The following PSMA1 variants were observed in gnomAD, a reference collection of about 807,000 sequenced individuals.
PSMA1 encodes the protein proteasome 20S subunit alpha 1, also known as proteasome subunit alpha type-1.
In PSMA1, 3 loss-of-function variants were observed where a neutral mutation model predicts 38.4. That is an observed-to-expected ratio of 0.08 (90% CI 0.04 to 0.20). The LOEUF is 0.20. Ranked by LOEUF, PSMA1 falls within the 10% of genes least tolerant of loss-of-function variation. The probability of loss-of-function intolerance (pLI) is 1.00; values close to 1 mark genes in which losing one functional copy is unlikely to be tolerated. For missense variants in PSMA1, 227 were observed against 325.3 expected (o/e 0.70, Z 2.32); for synonymous variants, 101 against 107.1 (o/e 0.94, Z 0.35).
intron 2 of PSMA1, among the ~76,000 whole-genome samples, chr11:14,566,075 G>A (rs771623532): frequency 1.3e-5 from 2 of 152,228 alleles, no homozygotes; most frequent in African/African-American, 4.8e-5. Context: ...CAGTGTGGCC[G>A]GAGTGAAGTG....
chr11:14,592,970 AT>A (rs953964652), intron 2 of PSMA1, among the ~76,000 whole-genome samples: 1 of 152,068 alleles, frequency 6.6e-6, no homozygotes, highest in Non-Finnish European at 1.5e-5. Context: ...AAATTATTCT[AT>A]TTATTTACTT....
At chr11:14,591,543 C>A (rs1852414884) in intron 2 of PSMA1, among the ~76,000 whole-genome samples, 1 of 152,106 alleles carries the variant, frequency 6.6e-6, no homozygotes, top group Non-Finnish European at 1.5e-5. Flanking sequence ...CTGGCGGGGC[C>A]TTGGAGAGTC....
intron 2 of PSMA1, among the ~76,000 whole-genome samples, chr11:14,532,634 G>A (rs1565038343): frequency 7.4e-6 from 1 of 135,280 alleles, no homozygotes; most frequent in Non-Finnish European, 1.6e-5. Flanking sequence ...GATATACATT[G>A]AAGATTTTTT....
At chr11:14,610,861 C>T (rs553092781) in intron 2 of PSMA1, 109 of 1,151,386 alleles carry the variant, frequency 9.5e-5, no homozygotes, top group Middle Eastern at 8.1e-4. Flanking sequence ...CCTAGAGATG[C>T]GTTTTTCTCA....
In PSMA1 at chr11:14,520,313, G is replaced by A; in HGVS notation, c.-14C>T. ...TCAACGTACCATGGTGGCGGCGCGG[G>A]CCTGGTTGCGGCCTCCAGCAAAACT... On this transcript the variant is annotated 5_prime_UTR_variant, in exon 1 of 10. Transcript: ENST00000396394. 1.9e-6 allele frequency: 3 copies of A among 1,614,208 alleles called. No homozygotes were observed. Among genetic ancestry groups the A allele is most frequent in the Non-Finnish European group, 8.5e-7 (1 of 1,180,022 alleles).
At chr11:14,594,253 TG>T (rs1484464309) in intron 2 of PSMA1, among the ~76,000 whole-genome samples, 1 of 152,218 alleles carries the variant, frequency 6.6e-6, no homozygotes, top group Non-Finnish European at 1.5e-5. Flanking sequence ...GCATCTCAAC[TG>T]ATATAGTTAG....
At chr11:14,601,705 T>G (rs1165850279) in intron 2 of PSMA1, among the ~76,000 whole-genome samples, 1 of 152,162 alleles carries the variant, frequency 6.6e-6, no homozygotes, top group African/African-American at 2.4e-5. Flanking sequence ...GAAGCAAAAG[T>G]GAACACCCTT....
At chr11:14,639,065 T>C (rs1190680872) in intron 1 of PSMA1, among the ~76,000 whole-genome samples, 1 of 152,148 alleles carries the variant, frequency 6.6e-6, no homozygotes, top group Admixed American at 6.5e-5. Flanking sequence ...AGAGATACAA[T>C]TGTTGCTCTG....
chr11:14,526,893 C>T (rs7112765), intron 2 of PSMA1, among the ~76,000 whole-genome samples: 101,218 of 151,982 alleles, frequency 0.67, 33,968 homozygotes, highest in African/African-American at 0.71. Flanking sequence ...ACATCTATCA[C>T]TGAGGCTACC....
At chr11:14,612,039 AT>A (rs1852715177) in intron 1 of PSMA1, among the ~76,000 whole-genome samples, 1 of 152,210 alleles carries the variant, frequency 6.6e-6, no homozygotes, top group African/African-American at 2.4e-5. Context: ...TTGTAAGTGC[AT>A]CTCTAAAGCT....
chr11:14,539,494 GA>G (rs1019584636), intron 2 of PSMA1, among the ~76,000 whole-genome samples: 1 of 152,016 alleles, frequency 6.6e-6, no homozygotes, highest in Non-Finnish European at 1.5e-5. Flanking sequence ...AAAAAAGGAA[GA>G]AAAAAATAAT....
chr11:14,619,783 T>C lies in PSMA1; in HGVS notation c.-165-8632A>G, dbSNP rs559065961. ...TAAACACTGGATTACTCAGACCTTG[T>C]TATGTGTAATTTCTAGGTGATGAGT... On this transcript the variant is annotated intron_variant, in intron 1 of 10. Coordinates refer to the PSMA1 transcript ENST00000418988. Among the ~76,000 whole-genome samples the C allele has an allele frequency of 4.5e-4, 69 of 152,296 alleles. 1 individual carries two copies. The South Asian group carries it at 5.6e-3, about 12-fold the overall frequency.
intron 9 of PSMA1, among the ~76,000 whole-genome samples, chr11:14,505,863 G>C (rs563292989): frequency 4.0e-4 from 61 of 152,148 alleles, no homozygotes; most frequent in Middle Eastern, 6.8e-3. Context: ...AAAATGTGCT[G>C]GGCATGGTGG....
At position 14,596,712 on chromosome 11, in the gene PSMA1, A is replaced by T. The variant is rs1450304650; in HGVS notation, c.21+14254T>A. Among the ~76,000 whole-genome samples, 4 of 151,856 alleles carry T rather than the reference A, an allele frequency of 2.6e-5. No homozygotes were observed. In the East Asian group the frequency reaches 7.7e-4, roughly 29 times the overall value. ...CAAACAGGTACAATTTGACTTCCTCATTTCCTAATTGAATACCCTTTATTT... is the reference window on the plus strand; with the variant it reads ...CAAACAGGTACAATTTGACTTCCTCTTTTCCTAATTGAATACCCTTTATTT... On this transcript the variant is annotated intron_variant, in intron 2 of 10. Transcript: ENST00000418988.
At position 14,507,772 on chromosome 11, in the gene PSMA1, G is replaced by C. The variant is rs1554966466; in HGVS notation, c.625-6C>G. ...ACAATTCCAATGGAAACATTCTGAA[G>C]GGTAAAATATGGTAAAAGTAAAATA... On this transcript the variant is annotated splice_polypyrimidine_tract_variant and splice_region_variant and intron_variant, in intron 8 of 9. Coordinates refer to ENST00000396394, the MANE Select transcript of PSMA1 (RefSeq NM_002786.4). The C allele has an allele frequency of 6.5e-7, 1 of 1,542,592 alleles. No individual in the cohort carries two copies. The highest frequency in any genetic ancestry group is 1.1e-5 in the South Asian group (1 of 88,730).
chr11:14,615,173 C>A (rs1379053996), intron 1 of PSMA1, among the ~76,000 whole-genome samples: 1 of 152,198 alleles, frequency 6.6e-6, no homozygotes, highest in East Asian at 1.9e-4. Context: ...ATTTGGTAAA[C>A]CCCTACTTAT....
intron 4 of PSMA1, among the ~76,000 whole-genome samples, chr11:14,516,088 T>C (rs1466189550): frequency 6.6e-6 from 1 of 151,790 alleles, no homozygotes; most frequent in African/African-American, 2.4e-5. Context: ...CACATGCTTG[T>C]AGTCCCAGCT....
chr11:14,558,465 C>T (rs1851967600), intron 2 of PSMA1, among the ~76,000 whole-genome samples: 1 of 152,022 alleles, frequency 6.6e-6, no homozygotes, highest in Non-Finnish European at 1.5e-5. Flanking sequence ...CTTTGTCTAC[C>T]TTCTCTCTAC....
chr11:14,607,005 G>A (rs1339147297), intron 2 of PSMA1, among the ~76,000 whole-genome samples: 1 of 152,116 alleles, frequency 6.6e-6, no homozygotes, highest in African/African-American at 2.4e-5. Context: ...ATGATATAGA[G>A]GAACAGAATA....
Sources: allele counts gnomAD v4.1 joint callset (sites outside exome capture counted in the v4.1 genomes callset), GRCh38; gene constraint gnomAD v4.1.1; transcripts MANE v1.5; gene names NCBI Gene and HGNC (gene_info 2026-07-23, HGNC 2026-07-21).